The following BMP2K variants were observed in gnomAD, a reference collection of about 807,000 sequenced individuals.
The protein encoded by BMP2K is BMP2 inducible kinase, also known as BMP-2-inducible protein kinase.
In BMP2K, 74 loss-of-function variants were observed where a neutral mutation model predicts 116.0. The ratio of observed to expected loss-of-function variants is 0.64; its 90% CI spans 0.53 to 0.77. The LOEUF is 0.77. Among genes scored for constraint, BMP2K ranks in the 30% least tolerant of loss-of-function variants. The pLI, the probability that BMP2K is intolerant of heterozygous loss-of-function variation, is 0.00. For missense variants in BMP2K, 1,365 were observed against 1,403.6 expected (o/e 0.97, Z 0.44); for synonymous variants, 486 against 502.5 (o/e 0.97, Z 0.44).
chr4:78,845,126 C>G (rs940361371), intron 5 of BMP2K, 77 bp downstream of exon 5: 1 of 1,218,920 alleles, frequency 8.2e-7, no homozygotes, highest in Admixed American at 2.7e-5. Flanking sequence ...ACTGCTAATA[C>G]AAATTTTAGG....
rs1262794642 is a variant in BMP2K, at chr4:78,878,896, G to C, written c.1951+5G>C. Reference sequence around the variant, plus strand: ...AATTTGACCTTCTAAGATCAAGTAAGGGACACTTGAAGGCTTATTTTGCTT... The same window carrying C: ...AATTTGACCTTCTAAGATCAAGTAACGGACACTTGAAGGCTTATTTTGCTT... On this transcript the variant is annotated splice_donor_5th_base_variant and intron_variant, in intron 14 of 15. Coordinates refer to ENST00000502613, the MANE Select transcript of BMP2K (RefSeq NM_198892.2). 1.2e-6 allele frequency: 2 copies of C among 1,605,878 alleles called. No individual in the cohort carries two copies. The highest frequency in any genetic ancestry group is 2.7e-5 in the African/African-American group (2 of 74,380).
chr4:78,871,087 G>A, intron 11 of BMP2K, 27 bp downstream of exon 11: 2 of 1,594,708 alleles, frequency 1.3e-6, no homozygotes, highest in Non-Finnish European at 1.7e-6. Context: ...TTTAGATATG[G>A]AAGTAGTGTG....
At chr4:78,889,364 G>GAGAA (rs1319022918) in intron 15 of BMP2K, among the ~76,000 whole-genome samples, 1 of 152,024 alleles carries the variant, frequency 6.6e-6, no homozygotes, top group East Asian at 1.9e-4. Flanking sequence ...ATGGTCATAG[G>GAGAA]AGAAATGCGT....
chr4:78,911,927 C>A lies in BMP2K; in HGVS notation c.3380C>A (p.Pro1127His). ...AAAATGGATGATTTTGGTGCCGTGC[C>A]CTTTACAGAACTTGTGGTGCAAAGC... The part of the protein sequence containing the change: ...VLKMDDFGAV[P>H]FTELVVQSIT... Residue 1127 changes from proline (P) to histidine (H), a missense_variant, in exon 16 of 16, where the codon CCC becomes CAC. Pro to His is a moderately conservative substitution (Grantham distance 77). Around this residue, in one of 3 missense-constraint regions of BMP2K, gnomAD observed 596 missense variants for 623.2 expected, o/e 0.96. Coordinates refer to ENST00000502613, the MANE Select transcript of BMP2K (RefSeq NM_198892.2). The A allele has an allele frequency of 1.2e-6, 2 of 1,613,946 alleles. No individual in the cohort carries two copies. The highest frequency in any genetic ancestry group is 1.7e-6 in the Non-Finnish European group (2 of 1,179,870).
chr4:78,889,651 C>T (rs1187446585), intron 15 of BMP2K, among the ~76,000 whole-genome samples: 1 of 152,136 alleles, frequency 6.6e-6, no homozygotes, highest in Admixed American at 6.5e-5. Flanking sequence ...AATGAAAATA[C>T]ACTCTACTAG....
chr4:78,901,520 TTTA>T lies in BMP2K; in HGVS notation c.2063-9089_2063-9087del, dbSNP rs553047861. Among the ~76,000 whole-genome samples, 163 of 152,340 alleles carry T rather than the reference TTTA, an allele frequency of 1.1e-3. 1 individual carries two copies. Among genetic ancestry groups the T allele is most frequent in the Admixed American group, 2.2e-3 (34 of 15,296 alleles). On this transcript the variant is annotated intron_variant, in intron 15 of 15. Coordinates refer to ENST00000502613, the MANE Select transcript of BMP2K (RefSeq NM_198892.2). ...TGAGGATTTCCACTACCAGTATCTG[TTTA>T]AGATGGTGCCATTCCTATTTTCACT...
At chr4:78,796,117 A>T (rs887063954) in intron 1 of BMP2K, among the ~76,000 whole-genome samples, 18 of 152,310 alleles carry the variant, frequency 1.2e-4, no homozygotes, top group African/African-American at 3.8e-4. Flanking sequence ...CAGCATTCAC[A>T]ATAGCAAAGA....
At chr4:78,800,077 C>T (rs1728494186) in intron 1 of BMP2K, among the ~76,000 whole-genome samples, 1 of 152,164 alleles carries the variant, frequency 6.6e-6, no homozygotes, top group African/African-American at 2.4e-5. Context: ...TGTTTGTCTT[C>T]AGTAACATCA....
At chr4:78,892,315 T>C (rs1013124105) in intron 15 of BMP2K, among the ~76,000 whole-genome samples, 1 of 152,198 alleles carries the variant, frequency 6.6e-6, no homozygotes, top group Admixed American at 6.5e-5. Context: ...TTTTGAAATT[T>C]ATATTTTTAA....
chr4:78,862,395 G>T (rs547240461), intron 9 of BMP2K, among the ~76,000 whole-genome samples: 310 of 151,980 alleles, frequency 2.0e-3, no homozygotes, highest in Non-Finnish European at 3.5e-3. Flanking sequence ...CCTGCGGATG[G>T]GAGTTGCTGC....
At chr4:78,829,803 T>TTCTCTTCTCTTCTCC (rs1730109281) in intron 2 of BMP2K, among the ~76,000 whole-genome samples, 1 of 127,406 alleles carries the variant, frequency 7.8e-6, no homozygotes, top group East Asian at 2.1e-4. Flanking sequence ...TTCTCTTCTC[T>TTCTCTTCTCTTCTCC]TCTCTTCTCT....
At chr4:78,802,189 A>C (rs1004389429) in intron 1 of BMP2K, among the ~76,000 whole-genome samples, 15 of 152,182 alleles carry the variant, frequency 9.9e-5, no homozygotes, top group Non-Finnish European at 1.9e-4. Flanking sequence ...AGTTGTGGGC[A>C]ATTTCACATT....
At chr4:78,802,561 A>C (rs1044875981) in intron 1 of BMP2K, among the ~76,000 whole-genome samples, 1 of 152,200 alleles carries the variant, frequency 6.6e-6, no homozygotes, top group Non-Finnish European at 1.5e-5. Context: ...ATATGTATTA[A>C]GACCTGGAAT....
intron 15 of BMP2K, among the ~76,000 whole-genome samples, chr4:78,893,445 C>T (rs1034966111): frequency 7.9e-5 from 12 of 152,138 alleles, no homozygotes; most frequent in South Asian, 2.1e-4. Context: ...TTACGAATCA[C>T]GAATGATTTT....
At chr4:78,817,277 C>T (rs1729396546) in intron 1 of BMP2K, among the ~76,000 whole-genome samples, 1 of 152,130 alleles carries the variant, frequency 6.6e-6, no homozygotes, top group Non-Finnish European at 1.5e-5. Flanking sequence ...GCACAGACTC[C>T]ACAGGTTAAG....
chr4:78,818,499 T>A (rs1729465455), intron 1 of BMP2K, among the ~76,000 whole-genome samples: 1 of 152,230 alleles, frequency 6.6e-6, no homozygotes, highest in South Asian at 2.1e-4. Context: ...TTGATTTGCA[T>A]TTCTTAAATG....
At chr4:78,811,024 A>T (rs1729064108) in intron 1 of BMP2K, among the ~76,000 whole-genome samples, 1 of 152,140 alleles carries the variant, frequency 6.6e-6, no homozygotes, top group Non-Finnish European at 1.5e-5. Context: ...AAAGTACTAT[A>T]TACTCTTCTG....
intron 10 of BMP2K, among the ~76,000 whole-genome samples, chr4:78,866,796 G>T (rs1043130882): frequency 6.6e-6 from 1 of 152,030 alleles, no homozygotes; most frequent in Non-Finnish European, 1.5e-5. Flanking sequence ...GATTACAGGG[G>T]CCTGCCACCA....
intron 3 of BMP2K, among the ~76,000 whole-genome samples, chr4:78,840,198 A>G (rs1168017937): frequency 1.3e-5 from 2 of 152,202 alleles, no homozygotes; most frequent in Non-Finnish European, 2.9e-5. Context: ...GGCAGAGTGT[A>G]AAAAGCTTTT....
Sources: allele counts gnomAD v4.1 joint callset (sites outside exome capture counted in the v4.1 genomes callset), GRCh38; gene constraint gnomAD v4.1.1; regional missense constraint gnomAD v4.1.1; transcripts MANE v1.5; gene names NCBI Gene and HGNC (gene_info 2026-07-23, HGNC 2026-07-21).